COL23A1: variants seen among roughly 807,000 people sequenced by gnomAD.
The protein encoded by COL23A1 is collagen type XXIII alpha 1 chain, also known as collagen alpha-1(XXIII) chain.
A neutral mutation model predicts 99.3 loss-of-function variants in COL23A1; 97 were observed. The observed-to-expected ratio is 0.98, with a 90% CI of 0.83 to 1.16. The LOEUF (loss-of-function observed/expected upper bound fraction) is 1.16, where lower values mean the gene tolerates loss of function less well. Among genes scored for constraint, COL23A1 ranks in the 50% most tolerant of loss-of-function variants. The probability of loss-of-function intolerance (pLI) is 0.00; values close to 1 mark genes in which losing one functional copy is unlikely to be tolerated. For synonymous variants in COL23A1, 320 were observed against 308.2 expected (o/e 1.04, Z -0.40); for missense variants, 762 against 757.4 (o/e 1.01, Z -0.07).
chr5:178,469,860 C>T lies in COL23A1; in HGVS notation c.361+90822G>A, dbSNP rs138338873. 5.9e-5 allele frequency among the ~76,000 whole-genome samples: 9 copies of T among 152,274 alleles called. No homozygotes were observed. In the East Asian group the frequency reaches 7.7e-4, roughly 13 times the overall value. Reference sequence around the variant, plus strand: ...CACGGAACCGTCTCCAACCACTCATCCCCTGTGCAGAGGCCAGAAGGGAGC... The same window carrying T: ...CACGGAACCGTCTCCAACCACTCATTCCCTGTGCAGAGGCCAGAAGGGAGC... On this transcript the variant is annotated intron_variant, in intron 2 of 28. Transcript: ENST00000390654.
At chr5:178,563,879 T>C (rs957980659) in intron 1 of COL23A1, among the ~76,000 whole-genome samples, 1 of 152,194 alleles carries the variant, frequency 6.6e-6, no homozygotes, top group East Asian at 1.9e-4. Flanking sequence ...AAGGCAGATT[T>C]CAAAACGTAC....
intron 2 of COL23A1, among the ~76,000 whole-genome samples, chr5:178,462,244 C>T (rs375512456): frequency 2.0e-5 from 3 of 152,208 alleles, no homozygotes; most frequent in Non-Finnish European, 4.4e-5. Flanking sequence ...GGTTCCCCCC[C>T]ACCCAGCAAT....
chr5:178,347,168 C>T lies in COL23A1; in HGVS notation c.362-40249G>A, dbSNP rs79317653. 8.1e-3 allele frequency among the ~76,000 whole-genome samples: 1,230 copies of T among 152,260 alleles called. 13 individuals carry two copies. Among genetic ancestry groups the T allele is most frequent in the African/African-American group, 0.027 (1,128 of 41,552 alleles). ...CGAGACCTTTCTGCAAGGATGGAAA[C>T]GTCCGCTGAGCCACCCACACGGAAA... On this transcript the variant is annotated intron_variant, in intron 2 of 28. Coordinates refer to ENST00000390654, the MANE Select transcript of COL23A1 (RefSeq NM_173465.4).
intron 2 of COL23A1, among the ~76,000 whole-genome samples, chr5:178,341,053 C>T (rs543162946): frequency 6.6e-6 from 1 of 152,308 alleles, no homozygotes; most frequent in African/African-American, 2.4e-5. Context: ...TTTTGTGGGC[C>T]ACATGGCTCC....
intron 2 of COL23A1, among the ~76,000 whole-genome samples, chr5:178,546,566 G>A (rs1352952130): frequency 6.6e-6 from 1 of 152,208 alleles, no homozygotes; most frequent in African/African-American, 2.4e-5. Context: ...CCGTCCCAGG[G>A]CCTGGCTGCG....
intron 2 of COL23A1, among the ~76,000 whole-genome samples, chr5:178,424,539 A>C (rs1222149254): frequency 3.9e-5 from 6 of 152,218 alleles, no homozygotes; most frequent in Non-Finnish European, 7.3e-5. Flanking sequence ...GGAGCTGAAC[A>C]AAGAGGGAGG....
At chr5:178,253,672 GC>G (rs1299848051) in intron 16 of COL23A1, among the ~76,000 whole-genome samples, 3 of 151,564 alleles carry the variant, frequency 2.0e-5, no homozygotes, top group South Asian at 2.1e-4. Context: ...TAGGAGAGAC[GC>G]GGTTTCACTA....
At chr5:178,412,486 C>T (rs1214592191) in intron 2 of COL23A1, among the ~76,000 whole-genome samples, 1 of 152,120 alleles carries the variant, frequency 6.6e-6, no homozygotes, top group Non-Finnish European at 1.5e-5. Context: ...AAGAAAATAA[C>T]TTCTAAAGTC....
chr5:178,462,752 A>G (rs538856959), intron 2 of COL23A1, among the ~76,000 whole-genome samples: 12 of 152,258 alleles, frequency 7.9e-5, no homozygotes, highest in Non-Finnish European at 1.6e-4. Flanking sequence ...TACGAGTCAG[A>G]TCCTCTCAAC....
At chr5:178,421,969 G>GC (rs1765657348) in intron 2 of COL23A1, among the ~76,000 whole-genome samples, 1 of 152,206 alleles carries the variant, frequency 6.6e-6, no homozygotes, top group East Asian at 1.9e-4. Context: ...GGCTGAGGCT[G>GC]CCCAGGGGGC....
At chr5:178,356,174 C>T (rs934918800) in intron 2 of COL23A1, among the ~76,000 whole-genome samples, 15 of 152,184 alleles carry the variant, frequency 9.9e-5, no homozygotes, top group African/African-American at 2.6e-4. Flanking sequence ...GCCACAGAGA[C>T]GGGAAGCAGA....
intron 2 of COL23A1, among the ~76,000 whole-genome samples, chr5:178,473,458 CTAATT>C (rs1336765083): frequency 8.8e-6 from 1 of 114,044 alleles, no homozygotes; most frequent in Non-Finnish European, 1.7e-5. Flanking sequence ...CTACATCCGG[CTAATT>C]TTTTTTTTTT....
chr5:178,243,841 T>A (rs1764536044), intron 25 of COL23A1, among the ~76,000 whole-genome samples: 1 of 152,194 alleles, frequency 6.6e-6, no homozygotes, highest in Non-Finnish European at 1.5e-5. Flanking sequence ...TCTCCTTAGC[T>A]CCACCCTCAA....
At chr5:178,327,675 G>A (rs66568150) in intron 2 of COL23A1, among the ~76,000 whole-genome samples, 9,854 of 152,204 alleles carry the variant, frequency 0.065, 349 homozygotes, top group Middle Eastern at 0.11. Flanking sequence ...TCTGAACACT[G>A]GCAGACAGTG....
intron 2 of COL23A1, among the ~76,000 whole-genome samples, chr5:178,458,925 G>A (rs2127893890): frequency 6.6e-6 from 1 of 152,274 alleles, no homozygotes; most frequent in East Asian, 1.9e-4. Flanking sequence ...CAGGGGCAGA[G>A]GAATCTATTA....
chr5:178,320,934 C>A (rs1438231347), intron 2 of COL23A1, among the ~76,000 whole-genome samples: 1 of 152,230 alleles, frequency 6.6e-6, no homozygotes, highest in African/African-American at 2.4e-5. Flanking sequence ...GGGGTGTGGG[C>A]AGGCTGTGCG....
Position 178,424,471 on chromosome 5 carries a change from C to T in COL23A1, c.362-117552G>A, listed in dbSNP as rs76000907. On this transcript the variant is annotated intron_variant, in intron 2 of 28. Coordinates refer to ENST00000390654, the MANE Select transcript of COL23A1 (RefSeq NM_173465.4). The stretch of plus-strand genomic sequence containing the variant: ...ATGTCCTCTGCTCTGCTGCTGCCCC[C>T]GGACAGACAGTAAAATGTGCACATC... 5.9e-3 allele frequency among the ~76,000 whole-genome samples: 903 copies of T among 152,330 alleles called. 8 individuals are homozygous for T. The highest frequency in any genetic ancestry group is 0.021 in the African/African-American group (859 of 41,574).
chr5:178,506,171 T>A (rs967014692), intron 2 of COL23A1, among the ~76,000 whole-genome samples: 2 of 152,248 alleles, frequency 1.3e-5, no homozygotes, highest in Non-Finnish European at 2.9e-5. Context: ...CGGCGCCGAA[T>A]GATCATGTCA....
chr5:178,493,354 C>T (rs1758032544), intron 2 of COL23A1, among the ~76,000 whole-genome samples: 1 of 152,246 alleles, frequency 6.6e-6, no homozygotes, highest in African/African-American at 2.4e-5. Flanking sequence ...TTGCAAAGGA[C>T]TCATGCTTTG....
Sources: gnomAD v4.1 joint callset for allele counts (sites outside exome capture counted in the v4.1 genomes callset) on GRCh38, gnomAD v4.1.1 for gene constraint, MANE v1.5 for transcripts, NCBI Gene and HGNC (gene_info 2026-07-23, HGNC 2026-07-21) for gene names.